Variants in SOHLH1 observed in about 807,000 individuals in gnomAD.
SOHLH1 encodes spermatogenesis- and oogenesis-specific basic helix-loop-helix-containing protein 1.
In SOHLH1, 23 loss-of-function variants were observed where a neutral mutation model predicts 36.2. The ratio of observed to expected loss-of-function variants is 0.64; its 90% CI spans 0.46 to 0.90. The LOEUF (loss-of-function observed/expected upper bound fraction) is 0.90, where lower values mean the gene tolerates loss of function less well. Among genes scored for constraint, SOHLH1 ranks in the 40% least tolerant of loss-of-function variants. SOHLH1 has a pLI of 0.00. For missense variants in SOHLH1, 608 were observed against 517.0 expected, an observed-to-expected ratio of 1.18 and a Z score of -1.71; for synonymous variants, 289 against 228.3, an observed-to-expected ratio of 1.27 and a Z score of -2.40.
At chr9:135,694,991 G>A in intron 6 of SOHLH1, 59 bp downstream of exon 6, 1 of 1,501,030 alleles carries the variant, frequency 6.7e-7, no homozygotes. Context: ...GGTGGGACAG[G>A]CTCACACACA....
chr9:135,698,629 C>G (rs1179082548), intron 2 of SOHLH1, among the ~76,000 whole-genome samples, 153 bp from the exon 3 acceptor site: 1 of 152,168 alleles, frequency 6.6e-6, no homozygotes, highest in Non-Finnish European at 1.5e-5. Context: ...TCTGAAGCCC[C>G]GAGATCCACA....
intron 3 of SOHLH1, among the ~76,000 whole-genome samples, 164 bp downstream of exon 3, chr9:135,698,165 A>G (rs1264061757): frequency 6.6e-6 from 1 of 152,176 alleles, no homozygotes; most frequent in Non-Finnish European, 1.5e-5. Context: ...GTAAGGCTTG[A>G]ACAAATCAGG....
Position 135,694,800 on chromosome 9 carries a change from G to A in SOHLH1, c.875+250C>T, listed in dbSNP as rs530301695. ...GAAACACAAACTCATTTTACTATCAGCCAAAACAAATGACAATTAGGAAGA... is the reference window on the plus strand; with the variant it reads ...GAAACACAAACTCATTTTACTATCAACCAAAACAAATGACAATTAGGAAGA... On this transcript the variant is annotated intron_variant, in intron 6 of 7. Coordinates refer to ENST00000425225, the MANE Select transcript of SOHLH1 (RefSeq NM_001101677.2). Among the ~76,000 whole-genome samples, 9 of 143,178 alleles carry A rather than the reference G, an allele frequency of 6.3e-5. No homozygotes were observed. The South Asian group carries it at 1.4e-3, about 22-fold the overall frequency. The allele number at this position is 143,178 out of a possible 152,430, so 93.9% of individuals were successfully genotyped here. A position where few individuals can be genotyped will look rare whatever the true frequency, so the allele number is the denominator to read the frequency against.
intron 7 of SOHLH1, 104 bp from the exon 8 acceptor site, chr9:135,693,918 C>T: frequency 1.4e-6 from 2 of 1,463,478 alleles, no homozygotes; most frequent in East Asian, 2.5e-5. Flanking sequence ...GTCCGTCTGC[C>T]CTGCCCTGTC....
intron 6 of SOHLH1, 81 bp downstream of exon 6, chr9:135,694,969 G>A: frequency 2.1e-6 from 3 of 1,422,902 alleles, no homozygotes; most frequent in Admixed American, 2.0e-5. Context: ...GGCCCAAGCA[G>A]GACTGGGAGG....
intron 3 of SOHLH1, 112 bp downstream of exon 3, chr9:135,698,216 AC>A (rs1834885619): frequency 2.7e-6 from 4 of 1,460,476 alleles, no homozygotes; most frequent in Non-Finnish European, 3.8e-6. Context: ...AGCCGTGGAG[AC>A]CCAGAGGGCT....
intron 5 of SOHLH1, among the ~76,000 whole-genome samples, chr9:135,696,043 C>T (rs895799149): frequency 2.6e-5 from 4 of 152,214 alleles, no homozygotes; most frequent in Non-Finnish European, 4.4e-5. Flanking sequence ...CAAAGCTGGA[C>T]GGAGCAACCA....
chr9:135,695,588 C>T (rs1014677130), intron 5 of SOHLH1, among the ~76,000 whole-genome samples: 1 of 152,174 alleles, frequency 6.6e-6, no homozygotes, highest in African/African-American at 2.4e-5. Flanking sequence ...GCTCTGCCCT[C>T]AGACCTGCTC....
At chr9:135,698,596 A>G in intron 2 of SOHLH1, 120 bp from the exon 3 acceptor site, 1 of 1,429,418 alleles carries the variant, frequency 7.0e-7, no homozygotes, top group Non-Finnish European at 9.7e-7. Flanking sequence ...GGGCTACAAG[A>G]TGACTCAGAG....
At chr9:135,698,304 G>A (rs755181795) in intron 3 of SOHLH1, 25 bp downstream of exon 3, 11 of 1,612,636 alleles carry the variant, frequency 6.8e-6, no homozygotes, top group Non-Finnish European at 9.3e-6. Flanking sequence ...CCGGAGGACT[G>A]ACGGCGTCTA....
rs779075366 is a variant in SOHLH1 at position 135,697,648 on chromosome 9, T to A, written c.346-21A>T. 1.9e-6 allele frequency: 3 copies of A among 1,606,510 alleles called. No individual in the cohort carries two copies. The African/African-American group carries it at 4.0e-5, about 21-fold the overall frequency. On this transcript the variant is annotated intron_variant, in intron 3 of 7. Coordinates refer to ENST00000425225, the MANE Select transcript of SOHLH1 (RefSeq NM_001101677.2). ...AGAATCTGAAATTTAAGTAAACATG[T>A]AAAACAAAGACAGAGACAGTCAGCT...
upstream of SOHLH1, among the ~76,000 whole-genome samples, chr9:135,700,676 G>A (rs1026603512): frequency 6.6e-5 from 10 of 152,226 alleles, no homozygotes; most frequent in Admixed American, 5.9e-4. Flanking sequence ...GCCAAAGATG[G>A]GTGAAGGGTG....
At position 135,694,340 on chromosome 9, in the gene SOHLH1, A is replaced by AG; in HGVS notation, c.946+46dup. Reference sequence around the variant, plus strand: ...GAGTCCCAATTCCCCAGCTCATATCAGGTGCTTACGCGGGGGGACCAGCCC... The same window carrying AG: ...GAGTCCCAATTCCCCAGCTCATATCAGGGTGCTTACGCGGGGGGACCAGCCC... On this transcript the variant is annotated intron_variant, in intron 7 of 7. Transcript: ENST00000425225. 1.9e-6 allele frequency: 3 copies of AG among 1,612,020 alleles called. No homozygotes were observed. In the South Asian group the frequency reaches 3.3e-5, roughly 18 times the overall value.
At chr9:135,700,036 T>A (rs569387594), upstream of SOHLH1, among the ~76,000 whole-genome samples, 9 of 152,092 alleles carry the variant, frequency 5.9e-5, no homozygotes, top group Non-Finnish European at 8.8e-5. Context: ...CCATCCACAC[T>A]TCTGGGTCGC....
upstream of SOHLH1, among the ~76,000 whole-genome samples, chr9:135,700,355 G>T (rs542239637): frequency 6.6e-6 from 1 of 152,266 alleles, no homozygotes; most frequent in African/African-American, 2.4e-5. Context: ...ACATACTTTT[G>T]GGGGGATGAC....
chr9:135,694,763 G>T lies in SOHLH1; in HGVS notation c.875+287C>A, dbSNP rs1333425646. 2.0e-5 allele frequency among the ~76,000 whole-genome samples: 3 copies of T among 150,672 alleles called. No homozygotes were observed. In the South Asian group the frequency reaches 6.3e-4, roughly 32 times the overall value. Reference sequence around the variant, plus strand: ...CCCTCCCCCTCCCACACCCCAGCTGGTATGTGCTCACGAAACACAAACTCA... The same window carrying T: ...CCCTCCCCCTCCCACACCCCAGCTGTTATGTGCTCACGAAACACAAACTCA... On this transcript the variant is annotated intron_variant, in intron 6 of 7. Coordinates refer to ENST00000425225, the MANE Select transcript of SOHLH1 (RefSeq NM_001101677.2).
chr9:135,698,562 C>G (rs1298963471), intron 2 of SOHLH1, 86 bp from the exon 3 acceptor site: 1 of 1,592,382 alleles, frequency 6.3e-7, no homozygotes, highest in African/African-American at 1.3e-5. Context: ...GCCAGATAGA[C>G]CCTGGGCGCT....
At position 135,698,999 on chromosome 9, in the gene SOHLH1, G is replaced by A. The variant is rs549928652; in HGVS notation, c.193C>T (p.Arg65Cys). 2 of 1,611,408 alleles carry A rather than the reference G, an allele frequency of 1.2e-6. No homozygotes were observed. Among genetic ancestry groups the A allele is most frequent in the Admixed American group, 3.3e-5 (2 of 60,004 alleles). Residue 65 changes from arginine to cysteine, a missense_variant, in exon 2 of 8, where the codon CGC (arginine) becomes TGC (cysteine). Arg to Cys is a radical substitution (Grantham distance 180). Transcript: ENST00000425225. The part of the protein sequence containing the change: ...LRRNVISERE[R>C]RKRMSLSCER... ...CTGGGAGGCACCACCACTCACCTGC[G>A]CTCCCTCTCGCTGATCACGTTCCGC...
chr9:135,695,736 C>A (rs907481478), intron 5 of SOHLH1, among the ~76,000 whole-genome samples: 2 of 152,144 alleles, frequency 1.3e-5, no homozygotes, highest in Non-Finnish European at 2.9e-5. Flanking sequence ...TCTCATGGCA[C>A]CTGGCGACTT....
Sources: gnomAD v4.1 joint callset for allele counts (sites outside exome capture counted in the v4.1 genomes callset) on GRCh38, gnomAD v4.1.1 for gene constraint, MANE v1.5 for transcripts, NCBI Gene and HGNC (gene_info 2026-07-23, HGNC 2026-07-21) for gene names.